C10orf67: variants seen among roughly 807,000 people sequenced by gnomAD.
C10orf67 encodes the protein uncharacterized protein C10orf67, mitochondrial.
Under a neutral mutation model 35.6 loss-of-function variants are expected in C10orf67, and 60 were observed. The ratio of observed to expected loss-of-function variants is 1.68; its 90% CI spans 1.37 to 2.09. C10orf67 has a LOEUF of 2.09. C10orf67 is among the 30% of genes most tolerant of loss of function. C10orf67 has a pLI of 0.00. For missense variants in C10orf67, 474 were observed against 330.2 expected, an observed-to-expected ratio of 1.44 and a Z score of -3.38; for synonymous variants, 167 against 115.8, an observed-to-expected ratio of 1.44 and a Z score of -2.84.
chr10:23,304,533 G>C (rs562474616), intron 4 of C10orf67, among the ~76,000 whole-genome samples: 1 of 152,136 alleles, frequency 6.6e-6, no homozygotes, highest in East Asian at 1.9e-4. Flanking sequence ...GACCCAGCTC[G>C]AGCCCACTCA....
chr10:23,304,112 A>G (rs60278719), intron 4 of C10orf67, among the ~76,000 whole-genome samples: 4,617 of 152,242 alleles, frequency 0.03, 225 homozygotes, highest in African/African-American at 0.11. Flanking sequence ...CTGTAACTCA[A>G]CCAAACCCAC....
chr10:23,226,501 T>C (rs1841746084), intron 13 of C10orf67, among the ~76,000 whole-genome samples: 1 of 152,060 alleles, frequency 6.6e-6, no homozygotes, highest in Non-Finnish European at 1.5e-5. Flanking sequence ...AGATCTAAAA[T>C]TGACACCCCA....
chr10:23,262,547 A>C (rs1353762847), intron 10 of C10orf67, among the ~76,000 whole-genome samples: 2 of 152,130 alleles, frequency 1.3e-5, no homozygotes, highest in African/African-American at 4.8e-5. Flanking sequence ...TTCACAGCAA[A>C]ATCTTCAGTC....
At chr10:23,237,728 C>T (rs1466204224) in intron 13 of C10orf67, among the ~76,000 whole-genome samples, 1 of 152,100 alleles carries the variant, frequency 6.6e-6, no homozygotes, top group Non-Finnish European at 1.5e-5. Context: ...TAAGAACAGG[C>T]AAAACTAATC....
chr10:23,237,703 C>A (rs1265668448), intron 13 of C10orf67, among the ~76,000 whole-genome samples: 1 of 152,084 alleles, frequency 6.6e-6, no homozygotes, highest in Non-Finnish European at 1.5e-5. Flanking sequence ...CTGTGTGAGT[C>A]CATCTGCATA....
In C10orf67 at chr10:23,282,056, A is replaced by T; in HGVS notation, c.932T>A (p.Leu311Ter). The T allele has an allele frequency of 1.6e-6, 1 of 631,354 alleles. No individual in the cohort carries two copies. The highest frequency in any genetic ancestry group is 2.9e-6 in the Non-Finnish European group (1 of 347,320). 39.1% of individuals were successfully genotyped at this position (631,354 alleles called of 1,614,324 possible). A position where few individuals can be genotyped will look rare whatever the true frequency, so the allele number is the denominator to read the frequency against. The change falls in exon 8 of 16, where the codon TTA (leucine) becomes TAA (stop). Residue 311 changes from leucine (L) to a stop codon, truncating the protein, a stop_gained. Coordinates refer to ENST00000636213, the MANE Select transcript of C10orf67 (RefSeq NM_001371909.1). LOFTEE classifies it high-confidence loss of function. ...TTTTTCATAATGAAGCTCTTCTCTT[A>T]ATCTGTCTCTACTATCCATTAACTG... Reference protein sequence around the residue: ...IQKLMDSRDRLREELHYEKSL... With the variant: ...IQKLMDSRDR
intron 15 of C10orf67, among the ~76,000 whole-genome samples, chr10:23,204,481 C>T (rs1009138504): frequency 2.0e-5 from 3 of 152,176 alleles, no homozygotes; most frequent in African/African-American, 7.2e-5. Flanking sequence ...GCCAGCCAAG[C>T]TTTGCTCTGA....
chr10:23,296,030 T>C (rs536547250), intron 5 of C10orf67, among the ~76,000 whole-genome samples: 37 of 152,340 alleles, frequency 2.4e-4, no homozygotes, highest in African/African-American at 8.7e-4. Context: ...CGTTGAAGTT[T>C]TAAATAAGAG....
Position 23,291,237 on chromosome 10 carries a change from C to T in C10orf67, c.745G>A (p.Glu249Lys). The T allele has an allele frequency of 1.4e-6, 1 of 716,774 alleles. No individual in the cohort carries two copies. The highest frequency in any genetic ancestry group is 1.5e-5 in the South Asian group (1 of 67,440). 44.4% of individuals were successfully genotyped at this position (716,774 alleles called of 1,614,324 possible). A position where few individuals can be genotyped will look rare whatever the true frequency, so the allele number is the denominator to read the frequency against. ...ACTTTGTACTCCAAATTTTCCTTTT[C>T]TAGGTTTGATTTTGGAGAGCTGGTT... ...KETSSPKSNL[E>K]KENLEYKVEN... Residue 249 changes from glutamate to lysine, a missense_variant, in exon 6 of 16, where the codon GAA becomes AAA. Coordinates refer to ENST00000636213, the MANE Select transcript of C10orf67 (RefSeq NM_001371909.1).
intron 7 of C10orf67, among the ~76,000 whole-genome samples, chr10:23,283,271 T>C (rs1240305580): frequency 6.6e-6 from 1 of 152,238 alleles, no homozygotes; most frequent in Non-Finnish European, 1.5e-5. Flanking sequence ...CCTTGTGACT[T>C]GCCTTTGTAT....
chr10:23,308,090 C>T (rs1012843762), intron 4 of C10orf67, among the ~76,000 whole-genome samples: 1 of 152,160 alleles, frequency 6.6e-6, no homozygotes, highest in African/African-American at 2.4e-5. Flanking sequence ...GAGTTCAACA[C>T]CTTCACTGTC....
chr10:23,271,813 T>C (rs1390796475), intron 8 of C10orf67, among the ~76,000 whole-genome samples: 1 of 152,264 alleles, frequency 6.6e-6, no homozygotes, highest in African/African-American at 2.4e-5. Context: ...GCATAGTCTA[T>C]ATGCAAATCC....
chr10:23,309,387 A>G (rs766633287), intron 4 of C10orf67, among the ~76,000 whole-genome samples: 22 of 152,180 alleles, frequency 1.4e-4, no homozygotes, highest in Non-Finnish European at 2.5e-4. Flanking sequence ...GGGGACTCCA[A>G]AAGGGAAAAA....
At chr10:23,261,791 G>C (rs1050721502) in intron 10 of C10orf67, among the ~76,000 whole-genome samples, 1 of 152,170 alleles carries the variant, frequency 6.6e-6, no homozygotes, top group South Asian at 2.1e-4. Flanking sequence ...AGTAATAGAT[G>C]AATCAATAAG....
chr10:23,270,291 C>A (rs1842980749), intron 8 of C10orf67, among the ~76,000 whole-genome samples: 1 of 152,080 alleles, frequency 6.6e-6, no homozygotes, highest in African/African-American at 2.4e-5. Context: ...GAAACCCCTG[C>A]CCCCAGCCAA....
intron 1 of C10orf67, 158 bp downstream of exon 1, chr10:23,344,411 C>T (rs1231816594): frequency 4.1e-6 from 3 of 740,122 alleles, no homozygotes; most frequent in Non-Finnish European, 6.6e-6. Flanking sequence ...TTCACTGTCC[C>T]GCCTGCCTCA....
At position 23,239,798 on chromosome 10, in the gene C10orf67, ATTC is replaced by A. The variant is rs1185737352; in HGVS notation, c.1362_1364del (p.Lys454del). The A allele has an allele frequency of 3.2e-6, 2 of 622,542 alleles. No individual in the cohort carries two copies. The highest frequency in any genetic ancestry group is 3.5e-5 in the African/African-American group (2 of 56,546). 38.6% of individuals were successfully genotyped at this position (622,542 alleles called of 1,614,324 possible). ...ACAGTGTGTGCCTTGTAAACATCTC[ATTC>A]TTAAGGACATGAAAGCTGAAATTTT... is the stretch of plus-strand genomic sequence containing the variant. On this transcript the variant is annotated inframe_deletion, in exon 13 of 16. Transcript: ENST00000636213.
At chr10:23,304,205 G>A (rs1464385283) in intron 4 of C10orf67, among the ~76,000 whole-genome samples, 1 of 152,048 alleles carries the variant, frequency 6.6e-6, no homozygotes, top group African/African-American at 2.4e-5. Flanking sequence ...GAAGCAGGTT[G>A]GCTGACCTCA....
At chr10:23,260,269 A>G (rs77009216) in intron 10 of C10orf67, among the ~76,000 whole-genome samples, 1,583 of 152,292 alleles carry the variant, frequency 0.01, 33 homozygotes, top group African/African-American at 0.036. Context: ...AAAACTGTCA[A>G]TGCAGACTCA....
Sources: allele counts gnomAD v4.1 joint callset (sites outside exome capture counted in the v4.1 genomes callset), GRCh38; gene constraint gnomAD v4.1.1; transcripts MANE v1.5; gene names NCBI Gene and HGNC (gene_info 2026-07-23, HGNC 2026-07-21).